MAGI2: variants seen among roughly 807,000 people sequenced by gnomAD.
The protein encoded by MAGI2 is membrane-associated guanylate kinase, WW and PDZ domain-containing protein 2.
Under a neutral mutation model 133.3 loss-of-function variants are expected in MAGI2, and 35 were observed. That is an observed-to-expected ratio of 0.26 (90% CI 0.20 to 0.35). MAGI2 has a LOEUF of 0.35. MAGI2 is among the 10% of genes least tolerant of loss of function. The probability of loss-of-function intolerance (pLI) is 1.00; values close to 1 mark genes in which losing one functional copy is unlikely to be tolerated. For missense variants in MAGI2, 1,636 were observed against 1,863.4 expected (o/e 0.88, Z 2.25); for synonymous variants, 729 against 710.6 (o/e 1.03, Z -0.41).
intron 3 of MAGI2, among the ~76,000 whole-genome samples, chr7:78,563,134 T>C (rs1161419155): frequency 6.6e-6 from 1 of 152,054 alleles, no homozygotes; most frequent in Non-Finnish European, 1.5e-5. Context: ...TATTATAAAT[T>C]GGTAGGAATG....
rs77554114 is a variant in MAGI2, at chr7:78,989,416, T to C, written c.418+17674A>G. On this transcript the variant is annotated intron_variant, in intron 2 of 21. Transcript: ENST00000354212. Reference sequence around the variant, plus strand: ...CTGCTGAACGAAGTTTTTGAAACATTTTATTCTACAGGGTTGATGGAAGAC... The same window carrying C: ...CTGCTGAACGAAGTTTTTGAAACATCTTATTCTACAGGGTTGATGGAAGAC... Among the ~76,000 whole-genome samples, 371 of 152,092 alleles carry C rather than the reference T, an allele frequency of 2.4e-3. 3 individuals carry two copies. Among genetic ancestry groups the C allele is most frequent in the African/African-American group, 8.6e-3 (357 of 41,534 alleles).
At chr7:78,170,565 TCAGA>T (rs1395337816) in intron 14 of MAGI2, 1 of 152,118 alleles carries the variant, frequency 6.6e-6, no homozygotes, top group Non-Finnish European at 1.5e-5. Context: ...ATTCTAGTGG[TCAGA>T]CAATCATAAA....
intron 1 of MAGI2, among the ~76,000 whole-genome samples, chr7:79,451,393 T>A (rs898527953): frequency 6.6e-6 from 1 of 152,216 alleles, no homozygotes; most frequent in African/African-American, 2.4e-5. Flanking sequence ...TATTTTGACA[T>A]CGAACATGTT....
chr7:79,003,704 A>G (rs903789251), intron 2 of MAGI2, among the ~76,000 whole-genome samples: 5 of 152,222 alleles, frequency 3.3e-5, no homozygotes, highest in Admixed American at 6.5e-5. Context: ...CTTTCTGAAC[A>G]TATTTGAAAA....
chr7:78,577,662 A>T lies in MAGI2; in HGVS notation c.538+49458T>A, dbSNP rs1163014829. ...GGGGGGTTGTTCTCTGGCGGGCAGG[A>T]GTCGGGGGGTCACAAGGTACTCAGT... On this transcript the variant is annotated intron_variant, in intron 3 of 21. Transcript: ENST00000354212. 4.0e-5 allele frequency among the ~76,000 whole-genome samples: 5 copies of T among 123,908 alleles called. No individual in the cohort carries two copies. In the East Asian group the frequency reaches 1.2e-3, roughly 29 times the overall value. The allele number at this position is 123,908 out of a possible 152,430, so 81.3% of individuals were successfully genotyped here. A position where few individuals can be genotyped will look rare whatever the true frequency, so the allele number is the denominator to read the frequency against.
intron 1 of MAGI2, among the ~76,000 whole-genome samples, chr7:79,308,829 A>G (rs557012706): frequency 5.3e-5 from 8 of 152,188 alleles, no homozygotes; most frequent in Non-Finnish European, 1.0e-4. Flanking sequence ...TTAAGAAAAT[A>G]AGGGTTAAAT....
chr7:79,272,600 C>A (rs143302307), intron 1 of MAGI2, among the ~76,000 whole-genome samples: 1 of 152,072 alleles, frequency 6.6e-6, no homozygotes, highest in Non-Finnish European at 1.5e-5. Flanking sequence ...AGAAACAATG[C>A]AATGCACTGA....
At chr7:79,432,931 G>A (rs1236409407) in intron 1 of MAGI2, among the ~76,000 whole-genome samples, 10 of 152,282 alleles carry the variant, frequency 6.6e-5, no homozygotes, top group African/African-American at 2.4e-4. Context: ...CTTTATTCTT[G>A]TTCCTCCTCA....
At chr7:78,059,247 C>T (rs1420899630) in intron 21 of MAGI2, among the ~76,000 whole-genome samples, 2 of 152,164 alleles carry the variant, frequency 1.3e-5, no homozygotes, top group Non-Finnish European at 1.5e-5. Context: ...GGAGGAGCCT[C>T]TGTGGGTATT....
At chr7:78,213,881 C>T (rs547024247) in intron 10 of MAGI2, among the ~76,000 whole-genome samples, 4 of 152,308 alleles carry the variant, frequency 2.6e-5, no homozygotes, top group South Asian at 4.2e-4. Flanking sequence ...ACTTCTTTCC[C>T]TTCCTCTGGT....
intron 1 of MAGI2, among the ~76,000 whole-genome samples, chr7:79,036,967 G>A (rs1428105504): frequency 6.6e-6 from 1 of 152,090 alleles, no homozygotes; most frequent in Non-Finnish European, 1.5e-5. Context: ...CCTGCCTTTC[G>A]TTCATGTAGG....
At chr7:78,964,462 G>A (rs979519909) in intron 2 of MAGI2, among the ~76,000 whole-genome samples, 2 of 151,858 alleles carry the variant, frequency 1.3e-5, no homozygotes, top group Non-Finnish European at 2.9e-5. Flanking sequence ...CAATTAAGTT[G>A]CTTCCTCTTT....
At chr7:79,348,306 G>A (rs1841461340) in intron 1 of MAGI2, among the ~76,000 whole-genome samples, 1 of 151,812 alleles carries the variant, frequency 6.6e-6, no homozygotes, top group Non-Finnish European at 1.5e-5. Flanking sequence ...ATTTTTGAGT[G>A]AAAATTAACC....
At chr7:78,459,925 G>C (rs1363813539) in intron 6 of MAGI2, among the ~76,000 whole-genome samples, 1 of 152,210 alleles carries the variant, frequency 6.6e-6, no homozygotes, top group Non-Finnish European at 1.5e-5. Flanking sequence ...CAGAAATAGT[G>C]ATGGCTGCAG....
intron 3 of MAGI2, among the ~76,000 whole-genome samples, chr7:78,534,836 G>GA (rs78298172): frequency 0.061 from 9,214 of 150,708 alleles, 341 homozygotes; most frequent in East Asian, 0.16. Flanking sequence ...AGTGAAATTA[G>GA]AAAAAAAAAT....
At chr7:78,740,100 G>A (rs1488632186) in intron 2 of MAGI2, among the ~76,000 whole-genome samples, 6 of 151,902 alleles carry the variant, frequency 3.9e-5, no homozygotes, top group South Asian at 2.1e-4. Flanking sequence ...GGTGGAGCTT[G>A]CAGTGAGCCG....
At chr7:78,167,215 T>G (rs1280719960) in intron 15 of MAGI2, among the ~76,000 whole-genome samples, 4 of 152,198 alleles carry the variant, frequency 2.6e-5, no homozygotes, top group African/African-American at 9.6e-5. Context: ...ACTGTGATGC[T>G]TGTAACTGAC....
chr7:79,243,731 T>C (rs752124772), intron 1 of MAGI2, among the ~76,000 whole-genome samples: 31 of 152,338 alleles, frequency 2.0e-4, no homozygotes, highest in Middle Eastern at 6.8e-3. Flanking sequence ...ATGGCTTTAA[T>C]GTCCATAACT....
At chr7:78,354,506 T>C (rs1437906289) in intron 7 of MAGI2, among the ~76,000 whole-genome samples, 2 of 152,086 alleles carry the variant, frequency 1.3e-5, no homozygotes, top group South Asian at 2.1e-4. Flanking sequence ...AGAAGAATGC[T>C]AGTGAGGGGA....
Sources: gnomAD v4.1 joint callset for allele counts (sites outside exome capture counted in the v4.1 genomes callset) on GRCh38, gnomAD v4.1.1 for gene constraint, MANE v1.5 for transcripts, NCBI Gene and HGNC (gene_info 2026-07-23, HGNC 2026-07-21) for gene names.